Variants in LRP6 observed in about 807,000 individuals in gnomAD.
LRP6 encodes low-density lipoprotein receptor-related protein 6.
A neutral mutation model predicts 184.1 loss-of-function variants in LRP6; 43 were observed. The observed-to-expected ratio is 0.23, with a 90% CI of 0.18 to 0.30. The LOEUF (loss-of-function observed/expected upper bound fraction) is 0.30, where lower values mean the gene tolerates loss of function less well. Among genes scored for constraint, LRP6 ranks in the 10% least tolerant of loss-of-function variants. The pLI, the probability that LRP6 is intolerant of heterozygous loss-of-function variation, is 1.00. For missense variants in LRP6, 1,571 were observed against 2,005.3 expected, an observed-to-expected ratio of 0.78 and a Z score of 4.14; for synonymous variants, 719 against 684.9, an observed-to-expected ratio of 1.05 and a Z score of -0.78.
rs141131963 is a variant in LRP6 at position 12,239,177 on chromosome 12, C to T, written c.449+5085G>A. Among the ~76,000 whole-genome samples the T allele has an allele frequency of 2.3e-3, 350 of 152,278 alleles. 1 individual carries two copies. The highest frequency in any genetic ancestry group is 8.2e-3 in the African/African-American group (339 of 41,574). ...GACCTTCCCAATTTAACAGAACATC[C>T]TTCAAAACTGTAAGTTGTTTACACC... On this transcript the variant is annotated intron_variant, in intron 2 of 22. Transcript: ENST00000261349.
At chr12:12,192,134 CAAT>C (rs1460285945) in intron 3 of LRP6, among the ~76,000 whole-genome samples, 3 of 151,660 alleles carry the variant, frequency 2.0e-5, no homozygotes, top group Non-Finnish European at 4.4e-5. Flanking sequence ...CTATAAATGA[CAAT>C]AATAGCAGAA....
At chr12:12,163,347 ATTCAC>A (rs1862788501) in intron 9 of LRP6, among the ~76,000 whole-genome samples, 1 of 152,200 alleles carries the variant, frequency 6.6e-6, no homozygotes, top group Admixed American at 6.5e-5. Flanking sequence ...TATTTCATTT[ATTCAC>A]TTAATAAATT....
At chr12:12,173,637 C>T (rs1230607492) in intron 7 of LRP6, among the ~76,000 whole-genome samples, 1 of 152,020 alleles carries the variant, frequency 6.6e-6, no homozygotes, top group East Asian at 1.9e-4. Context: ...ACTACCACGC[C>T]CAGCTAATTT....
intron 5 of LRP6, 97 bp from the exon 6 acceptor site, chr12:12,181,536 A>G (rs1287410132): frequency 8.1e-6 from 6 of 739,188 alleles, no homozygotes; most frequent in Admixed American, 1.9e-5. Context: ...TAAATATAAA[A>G]TATACATAAA....
At chr12:12,231,321 T>G (rs1485956020) in intron 2 of LRP6, among the ~76,000 whole-genome samples, 1 of 151,018 alleles carries the variant, frequency 6.6e-6, no homozygotes, top group Non-Finnish European at 1.5e-5. Context: ...CAAGACACAG[T>G]GTTAGAAGTA....
At chr12:12,143,864 G>GT (rs1284868178) in intron 15 of LRP6, among the ~76,000 whole-genome samples, 4 of 152,110 alleles carry the variant, frequency 2.6e-5, no homozygotes, top group East Asian at 1.9e-4. Context: ...TGTGGTACAA[G>GT]TTTTTTTAAC....
At chr12:12,253,432 T>TA (rs1865376071) in intron 1 of LRP6, among the ~76,000 whole-genome samples, 2 of 152,184 alleles carry the variant, frequency 1.3e-5, no homozygotes, top group African/African-American at 4.8e-5. Flanking sequence ...TTTCTTTTTT[T>TA]TTATTATTAT....
At chr12:12,176,684 G>A (rs1049372943) in intron 7 of LRP6, among the ~76,000 whole-genome samples, 1 of 152,034 alleles carries the variant, frequency 6.6e-6, no homozygotes, top group African/African-American at 2.4e-5. Flanking sequence ...TAAGCGAGCA[G>A]GTAGCATAAA....
chr12:12,230,763 C>CG (rs1864762615), intron 2 of LRP6, among the ~76,000 whole-genome samples: 1 of 152,152 alleles, frequency 6.6e-6, no homozygotes. Context: ...TCTAGAACTA[C>CG]TGGTGAATCT....
At position 12,266,819 on chromosome 12, in the gene LRP6, G is replaced by C. The variant is rs1264251422; in HGVS notation, c.-84C>G. ...GAGGAGCCGGGGCGGCCGCCGCAGC[G>C]GCAGGGCTGCACGCTCATACTTCCC... On this transcript the variant is annotated 5_prime_UTR_variant, in exon 1 of 23. Coordinates refer to ENST00000261349, the MANE Select transcript of LRP6 (RefSeq NM_002336.3). The C allele has an allele frequency of 1.8e-6, 2 of 1,099,742 alleles. No homozygotes were observed. Among genetic ancestry groups the C allele is most frequent in the South Asian group, 1.3e-5 (1 of 77,024 alleles). 68.1% of individuals were successfully genotyped at this position (1,099,742 alleles called of 1,614,324 possible).
chr12:12,190,559 A>G (rs540670250), intron 3 of LRP6, among the ~76,000 whole-genome samples: 8 of 152,298 alleles, frequency 5.3e-5, no homozygotes, highest in African/African-American at 1.7e-4. Context: ...TAGCTCTTTG[A>G]GATTCTTTGA....
chr12:12,266,551 C>T, intron 1 of LRP6, 130 bp downstream of exon 1: 1 of 837,546 alleles, frequency 1.2e-6, no homozygotes, highest in East Asian at 2.7e-5. Flanking sequence ...CTCCCCCTCC[C>T]CACGACCAGG....
intron 19 of LRP6, among the ~76,000 whole-genome samples, chr12:12,127,632 T>C (rs1949690833): frequency 7.0e-6 from 1 of 143,334 alleles, no homozygotes; most frequent in Non-Finnish European, 1.5e-5. Context: ...CTTCCCTGGA[T>C]CCCTGAGCTA....
intron 11 of LRP6, among the ~76,000 whole-genome samples, chr12:12,159,513 T>C (rs2136939052): frequency 6.6e-6 from 1 of 152,324 alleles, no homozygotes; most frequent in East Asian, 1.9e-4. Context: ...ATATATATTT[T>C]ACTGGTACAA....
chr12:12,250,763 C>T (rs1467612890), intron 1 of LRP6, among the ~76,000 whole-genome samples: 2 of 151,924 alleles, frequency 1.3e-5, no homozygotes, highest in African/African-American at 4.8e-5. Context: ...GCTGGGACTA[C>T]AGGCGCCCAA....
chr12:12,238,118 A>G (rs1363387410), intron 2 of LRP6, among the ~76,000 whole-genome samples: 2 of 152,166 alleles, frequency 1.3e-5, no homozygotes, highest in Non-Finnish European at 2.9e-5. Flanking sequence ...AACTTCTAAA[A>G]AAATTAAAAT....
rs1865786230 is a variant in LRP6, at chr12:12,266,927, C to A, written c.-192G>T. On this transcript the variant is annotated 5_prime_UTR_variant, in exon 1 of 23. Coordinates refer to ENST00000261349, the MANE Select transcript of LRP6 (RefSeq NM_002336.3). ...CCGCCCTCTCTACCGCGCCGCTCGG[C>A]CCCGGGCTCGCGCGACGCCAGCGTC... The A allele has an allele frequency of 3.4e-6, 2 of 594,452 alleles. No individual in the cohort carries two copies. Among genetic ancestry groups the A allele is most frequent in the Non-Finnish European group, 5.9e-6 (2 of 337,562 alleles). 36.8% of individuals were successfully genotyped at this position (594,452 alleles called of 1,614,324 possible). A position where few individuals can be genotyped will look rare whatever the true frequency, so the allele number is the denominator to read the frequency against.
At chr12:12,127,801 C>T (rs969206910) in intron 19 of LRP6, among the ~76,000 whole-genome samples, 30 of 152,328 alleles carry the variant, frequency 2.0e-4, no homozygotes, top group African/African-American at 7.0e-4. Flanking sequence ...CTTCCTCCTG[C>T]TTCATCTTAC....
In LRP6 at chr12:12,121,348, G is replaced by C; in HGVS notation, c.4620C>G (p.Asp1540Glu). Residue 1540 changes from aspartate (D) to glutamate (E), a missense_variant, in exon 23 of 23, where the codon GAC (aspartate) becomes GAG (glutamate). Physicochemically the swap from Asp to Glu is conservative, Grantham distance 45. Around this residue, in one of 4 missense-constraint regions of LRP6, gnomAD observed 763 missense variants for 859.5 expected, o/e 0.89. Coordinates refer to ENST00000261349, the MANE Select transcript of LRP6 (RefSeq NM_002336.3). Reference sequence around the variant, plus strand: ...AGGTCATTCTCCGACTAGGAGCATAGTCACTGTCACAAACATCTGTGCTGC... The same window carrying C: ...AGGTCATTCTCCGACTAGGAGCATACTCACTGTCACAAACATCTGTGCTGC... ...TPCSTDVCDSDYAPSRRMTSV... is the reference protein window; with the variant it reads ...TPCSTDVCDSEYAPSRRMTSV... The C allele has an allele frequency of 6.2e-7, 1 of 1,614,168 alleles. No individual in the cohort carries two copies. Among genetic ancestry groups the C allele is most frequent in the Non-Finnish European group, 8.5e-7 (1 of 1,180,030 alleles).
Sources: allele counts gnomAD v4.1 joint callset (sites outside exome capture counted in the v4.1 genomes callset), GRCh38; gene constraint gnomAD v4.1.1; regional missense constraint gnomAD v4.1.1; transcripts MANE v1.5; gene names NCBI Gene and HGNC (gene_info 2026-07-23, HGNC 2026-07-21).